The following XKR9 variants were observed in gnomAD, a reference collection of about 807,000 sequenced individuals.
XKR9 encodes the protein XK-related protein 9.
In XKR9, 32 loss-of-function variants were observed where a neutral mutation model predicts 32.0. The observed-to-expected ratio is 1.00, with a 90% confidence interval of 0.76 to 1.34. XKR9 has a LOEUF of 1.34. XKR9 is among the 40% of genes most tolerant of loss of function. XKR9 has a pLI of 0.00. For synonymous variants in XKR9, 168 were observed against 143.4 expected, an observed-to-expected ratio of 1.17 and a Z score of -1.22; for missense variants, 546 against 429.7, an observed-to-expected ratio of 1.27 and a Z score of -2.39.
At chr8:70,808,873 G>T in the XKR9 span, among the ~76,000 whole-genome samples, 1 of 152,196 alleles carries the variant, frequency 6.6e-6, no homozygotes, top group Non-Finnish European at 1.5e-5. Context: ...CTGGGGGCAG[G>T]GCATAGCCAA....
the XKR9 span, among the ~76,000 whole-genome samples, chr8:71,027,490 A>ATG: frequency 3.5e-5 from 4 of 114,826 alleles, no homozygotes; most frequent in South Asian, 2.4e-4. Context: ...AGAAATATAT[A>ATG]TGTGTGTGTA....
At chr8:70,899,399 C>G in the XKR9 span, among the ~76,000 whole-genome samples, 1 of 150,682 alleles carries the variant, frequency 6.6e-6, no homozygotes, top group African/African-American at 2.4e-5. Context: ...TCACTGGGAT[C>G]CCTTTTTCCA....
the XKR9 span, among the ~76,000 whole-genome samples, chr8:70,862,666 A>G: frequency 6.6e-6 from 1 of 151,748 alleles, no homozygotes; most frequent in African/African-American, 2.4e-5. Flanking sequence ...TATATCTAAT[A>G]AATGCTATCC....
chr8:70,916,522 A>G, the XKR9 span, among the ~76,000 whole-genome samples: 2 of 152,298 alleles, frequency 1.3e-5, no homozygotes, highest in African/African-American at 4.8e-5. Flanking sequence ...CTAGACTTTT[A>G]AAAAACTACC....
the XKR9 span, among the ~76,000 whole-genome samples, chr8:70,926,720 G>C: frequency 6.6e-6 from 1 of 152,112 alleles, no homozygotes; most frequent in East Asian, 1.9e-4. Context: ...CTTTGGTATG[G>C]TGATAACTAA....
At chr8:70,771,054 G>C (rs1486181970) in intron 2 of XKR9, among the ~76,000 whole-genome samples, 1 of 152,174 alleles carries the variant, frequency 6.6e-6, no homozygotes, top group East Asian at 1.9e-4. Context: ...AGGCACCTGA[G>C]GGAATCTCCT....
downstream of XKR9, among the ~76,000 whole-genome samples, chr8:70,793,139 T>C (rs1448059607): frequency 6.6e-6 from 1 of 152,100 alleles, no homozygotes; most frequent in African/African-American, 2.4e-5. Flanking sequence ...ATTCATTCTT[T>C]TGAATATAGA....
chr8:70,992,369 A>G, the XKR9 span, among the ~76,000 whole-genome samples: 3 of 152,146 alleles, frequency 2.0e-5, no homozygotes, highest in African/African-American at 7.2e-5. Flanking sequence ...ATACTCAGAA[A>G]GTACCTGTTC....
At chr8:70,942,058 C>T in the XKR9 span, among the ~76,000 whole-genome samples, 2 of 152,022 alleles carry the variant, frequency 1.3e-5, no homozygotes, top group Admixed American at 1.3e-4. Flanking sequence ...ATCATGATTT[C>T]TGTCACTGGA....
At chr8:70,925,751 G>A in the XKR9 span, among the ~76,000 whole-genome samples, 12 of 152,264 alleles carry the variant, frequency 7.9e-5, no homozygotes, top group African/African-American at 2.9e-4. Context: ...AAAGCACCAT[G>A]CAAAGGAAAT....
At chr8:71,039,534 T>TA in the XKR9 span, among the ~76,000 whole-genome samples, 3 of 152,090 alleles carry the variant, frequency 2.0e-5, no homozygotes, top group Non-Finnish European at 4.4e-5. Context: ...TCTTGTAAAG[T>TA]AAAAAAATGG....
chr8:71,002,877 G>T, the XKR9 span, among the ~76,000 whole-genome samples: 1 of 152,242 alleles, frequency 6.6e-6, no homozygotes, highest in Non-Finnish European at 1.5e-5. Context: ...GACAGCAGGA[G>T]ATTCGTTCTC....
At chr8:71,008,070 A>T in the XKR9 span, among the ~76,000 whole-genome samples, 3 of 152,192 alleles carry the variant, frequency 2.0e-5, no homozygotes, top group African/African-American at 7.2e-5. Flanking sequence ...AAGTACTATA[A>T]GAATGTTTTA....
chr8:70,860,566 A>C, the XKR9 span, among the ~76,000 whole-genome samples: 6 of 152,032 alleles, frequency 3.9e-5, no homozygotes, highest in Non-Finnish European at 5.9e-5. Context: ...TAAATTATTG[A>C]TTAAGATTTC....
At chr8:70,903,587 A>G in the XKR9 span, among the ~76,000 whole-genome samples, 1 of 152,060 alleles carries the variant, frequency 6.6e-6, no homozygotes, top group East Asian at 1.9e-4. Context: ...TCAAAAAACC[A>G]GCTCCTGGAT....
the XKR9 span, among the ~76,000 whole-genome samples, chr8:70,864,448 T>G: frequency 6.6e-6 from 1 of 152,176 alleles, no homozygotes; most frequent in South Asian, 2.1e-4. Flanking sequence ...TAATGAAATC[T>G]CACATTTTCC....
chr8:70,677,441 C>A (rs1043811624), intron 2 of XKR9, among the ~76,000 whole-genome samples: 1 of 152,180 alleles, frequency 6.6e-6, no homozygotes, highest in Non-Finnish European at 1.5e-5. Flanking sequence ...AGCTACTGCA[C>A]CTGGCCAAGA....
chr8:70,895,427 A>C, the XKR9 span, among the ~76,000 whole-genome samples: 3 of 152,110 alleles, frequency 2.0e-5, no homozygotes, highest in African/African-American at 7.2e-5. Context: ...TCTCTTGCTG[A>C]TGTCACTCTC....
the XKR9 span, among the ~76,000 whole-genome samples, chr8:70,935,208 T>TATATACACAC: frequency 6.9e-6 from 1 of 145,480 alleles, no homozygotes; most frequent in Admixed American, 7.0e-5. Flanking sequence ...TATACATATA[T>TATATACACAC]ACACACACAC....
Sources: allele counts gnomAD v4.1 joint callset (sites outside exome capture counted in the v4.1 genomes callset), GRCh38; gene constraint gnomAD v4.1.1; transcripts MANE v1.5; gene names NCBI Gene and HGNC (gene_info 2026-07-23, HGNC 2026-07-21).